RBFOX1: variants seen among roughly 807,000 people sequenced by gnomAD.
RBFOX1 encodes RNA binding protein fox-1 homolog 1.
A neutral mutation model predicts 57.7 loss-of-function variants in RBFOX1; 8 were observed. That is an observed-to-expected ratio of 0.14 (90% CI 0.08 to 0.25). RBFOX1 has a LOEUF of 0.25. Among genes scored for constraint, RBFOX1 ranks in the 10% least tolerant of loss-of-function variants. The pLI is 1.00. For missense variants in RBFOX1, 611 were observed against 548.5 expected, an observed-to-expected ratio of 1.11 and a Z score of -1.14; for synonymous variants, 326 against 222.4, an observed-to-expected ratio of 1.47 and a Z score of -4.15.
chr16:6,173,055 T>C (rs2096973522), intron 1 of RBFOX1, among the ~76,000 whole-genome samples: 1 of 152,192 alleles, frequency 6.6e-6, no homozygotes, highest in Non-Finnish European at 1.5e-5. Context: ...GAAAAGGTTC[T>C]CAGATTTTAA....
intron 2 of RBFOX1, among the ~76,000 whole-genome samples, chr16:6,613,352 G>T (rs1409224737): frequency 1.3e-5 from 2 of 152,120 alleles, no homozygotes; most frequent in Middle Eastern, 6.8e-3. Context: ...GTGGGGGCTG[G>T]TTCTTAGCAC....
chr16:6,322,141 C>A (rs2081880295), intron 2 of RBFOX1, among the ~76,000 whole-genome samples: 1 of 152,150 alleles, frequency 6.6e-6, no homozygotes, highest in Admixed American at 6.6e-5. Context: ...CTTTTCATTC[C>A]CTCTGTTGGC....
At chr16:6,013,278 C>G (rs2094972817) in intron 4 of RBFOX1, among the ~76,000 whole-genome samples, 4 of 152,174 alleles carry the variant, frequency 2.6e-5, no homozygotes, top group Admixed American at 2.6e-4. Flanking sequence ...TGCCCTAAAT[C>G]AAAGACACAG....
At chr16:7,579,364 C>T (rs1221478831) in intron 5 of RBFOX1, among the ~76,000 whole-genome samples, 2 of 152,164 alleles carry the variant, frequency 1.3e-5, no homozygotes, top group Admixed American at 6.5e-5. Context: ...CACTGTCCTG[C>T]CTTTAAAGAT....
intron 3 of RBFOX1, among the ~76,000 whole-genome samples, chr16:6,941,300 CTCCTTCCTTCCTTCCTTCCTTCCTTCCT>C (rs57110590): frequency 0.012 from 956 of 79,204 alleles, 25 homozygotes; most frequent in African/African-American, 0.048. Context: ...CCCTCCCTCC[CTCCTTCCTTCCTTCCTTCCTTCCTTCCT>C]TCCTTCCTTC....
chr16:7,652,011 G>A (rs771905778), intron 11 of RBFOX1, among the ~76,000 whole-genome samples: 54 of 152,054 alleles, frequency 3.6e-4, no homozygotes, highest in Admixed American at 9.2e-4. Flanking sequence ...GGATTTGCAT[G>A]AGAAGGGAGG....
Position 6,310,938 on chromosome 16 carries a change from T to A in RBFOX1, c.-126-6057T>A, listed in dbSNP as rs558030005. Among the ~76,000 whole-genome samples the A allele has an allele frequency of 4.7e-5, 7 of 150,372 alleles. No individual in the cohort carries two copies. The South Asian group carries it at 1.5e-3, about 32-fold the overall frequency. On this transcript the variant is annotated intron_variant, in intron 1 of 15. Coordinates refer to ENST00000550418, the MANE Select transcript of RBFOX1 (RefSeq NM_018723.4). ...AAAAAAAAGAACAGAATCCCAGACA[T>A]AGGAAACAAGTAGTGCACAGGCACA... is the stretch of plus-strand genomic sequence containing the variant.
intron 4 of RBFOX1, among the ~76,000 whole-genome samples, chr16:7,443,089 G>C (rs2098781742): frequency 6.6e-6 from 1 of 152,156 alleles, no homozygotes; most frequent in Non-Finnish European, 1.5e-5. Flanking sequence ...AGTTGCACGA[G>C]AACACTCTTA....
intron 4 of RBFOX1, among the ~76,000 whole-genome samples, chr16:5,878,514 G>C (rs553338922): frequency 3.3e-5 from 5 of 152,248 alleles, no homozygotes; most frequent in Admixed American, 1.3e-4. Context: ...CAGCAAAGAT[G>C]GGGGAAGCAG....
chr16:6,922,418 C>T (rs1485887685), intron 3 of RBFOX1, among the ~76,000 whole-genome samples: 2 of 152,184 alleles, frequency 1.3e-5, no homozygotes, highest in East Asian at 1.9e-4. Context: ...GGTTTTTGCT[C>T]TCTGCAGTGA....
At chr16:6,789,711 C>G (rs923097332) in intron 3 of RBFOX1, among the ~76,000 whole-genome samples, 1 of 152,046 alleles carries the variant, frequency 6.6e-6, no homozygotes, top group African/African-American at 2.4e-5. Context: ...TTCTCCATGT[C>G]TTCGAATTTT....
intron 4 of RBFOX1, among the ~76,000 whole-genome samples, chr16:7,247,030 G>C (rs557379363): frequency 1.3e-5 from 2 of 152,068 alleles, no homozygotes; most frequent in African/African-American, 2.4e-5. Flanking sequence ...AGGTAACAGT[G>C]AGCACTTGTT....
chr16:7,343,537 T>C (rs2096937374), intron 4 of RBFOX1, among the ~76,000 whole-genome samples: 1 of 152,216 alleles, frequency 6.6e-6, no homozygotes, highest in Admixed American at 6.5e-5. Context: ...TTCCGTCATA[T>C]TCTTGGAAGC....
chr16:6,989,798 G>C (rs546550440), intron 3 of RBFOX1, among the ~76,000 whole-genome samples: 3 of 152,030 alleles, frequency 2.0e-5, no homozygotes, highest in African/African-American at 4.8e-5. Context: ...TCAGGATTTC[G>C]AAACTAGCCT....
chr16:5,430,236 T>C (rs2067688790), intron 1 of RBFOX1, among the ~76,000 whole-genome samples: 1 of 152,140 alleles, frequency 6.6e-6, no homozygotes, highest in South Asian at 2.1e-4. Context: ...CTGTGGCCAT[T>C]GCAGGAAATG....
intron 3 of RBFOX1, among the ~76,000 whole-genome samples, chr16:6,799,686 T>G (rs1034569254): frequency 1.3e-5 from 2 of 152,142 alleles, no homozygotes; most frequent in Admixed American, 6.5e-5. Flanking sequence ...GATGAGCTAG[T>G]TTGCTGAGTC....
chr16:7,160,193 C>CTT (rs778852717), intron 4 of RBFOX1, among the ~76,000 whole-genome samples: 1 of 142,790 alleles, frequency 7.0e-6, no homozygotes, highest in East Asian at 2.0e-4. Context: ...TGACTTTTGA[C>CTT]TTTTTTTTTT....
chr16:5,305,543 C>A (rs976433558), intron 1 of RBFOX1, among the ~76,000 whole-genome samples: 6 of 152,124 alleles, frequency 3.9e-5, no homozygotes, highest in African/African-American at 1.4e-4. Flanking sequence ...TTTCAGAAAC[C>A]TGCTGTTAGG....
intron 4 of RBFOX1, among the ~76,000 whole-genome samples, chr16:7,097,802 A>T (rs963488962): frequency 6.6e-6 from 1 of 152,212 alleles, no homozygotes; most frequent in Non-Finnish European, 1.5e-5. Flanking sequence ...AAAAATCTAA[A>T]AGCAGAAAAA....
Sources: gnomAD v4.1 joint callset for allele counts (sites outside exome capture counted in the v4.1 genomes callset) on GRCh38, gnomAD v4.1.1 for gene constraint, MANE v1.5 for transcripts, NCBI Gene and HGNC (gene_info 2026-07-23, HGNC 2026-07-21) for gene names.